Variants in ROBO2 observed in about 807,000 individuals in gnomAD.
ROBO2 encodes the protein roundabout guidance receptor 2, also known as roundabout homolog 2.
ROBO2 carries 53 observed loss-of-function variants against 160.8 expected under a neutral mutation model. The ratio of observed to expected loss-of-function variants is 0.33; its 90% confidence interval spans 0.26 to 0.41. The LOEUF (loss-of-function observed/expected upper bound fraction) is 0.41. ROBO2 is among the 10% of genes least tolerant of loss of function. The probability of loss-of-function intolerance (pLI) is 1.00; values close to 1 mark genes in which losing one functional copy is unlikely to be tolerated. For synonymous variants in ROBO2, 664 were observed against 611.7 expected (o/e 1.09, Z -1.26); for missense variants, 1,577 against 1,722.4 (o/e 0.92, Z 1.49).
intron 2 of ROBO2, among the ~76,000 whole-genome samples, chr3:76,822,335 T>C: frequency 6.6e-6 from 1 of 152,024 alleles, no homozygotes. Flanking sequence ...TCATGGTTAA[T>C]TACCAATAAA....
At position 76,290,520 on chromosome 3, in the gene ROBO2, G is replaced by A. The variant is rs541913859; in HGVS notation, c.109+352918G>A. ...ATCTGGATGCTTTTTATTTATTTCT[G>A]TGGTCTGGTAGCTCTGGCTATGACT... is the stretch of plus-strand genomic sequence containing the variant. On this transcript the variant is annotated intron_variant, in intron 2 of 26. Coordinates refer to the ROBO2 transcript ENST00000487694. Among the ~76,000 whole-genome samples, 27 of 152,132 alleles carry A rather than the reference G, an allele frequency of 1.8e-4. No homozygotes were observed. In the South Asian group the frequency reaches 5.2e-3, roughly 29 times the overall value.
intron 23 of ROBO2, chr3:77,632,194 T>G: frequency 4.2e-6 from 1 of 239,362 alleles, no homozygotes; most frequent in Non-Finnish European, 8.0e-6. Context: ...GCAGCTCTCT[T>G]TTGGAAAACG....
intron 2 of ROBO2, among the ~76,000 whole-genome samples, chr3:76,843,122 AT>A (rs2148483334): frequency 6.6e-6 from 1 of 151,810 alleles, no homozygotes; most frequent in South Asian, 2.1e-4. Flanking sequence ...AATTGTGTTT[AT>A]TTTTAAATGC....
chr3:77,007,535 A>G (rs2061645232), intron 2 of ROBO2, among the ~76,000 whole-genome samples: 1 of 152,056 alleles, frequency 6.6e-6, no homozygotes, highest in African/African-American at 2.4e-5. Flanking sequence ...TACACAGTTT[A>G]CTTTTTAAAC....
intron 2 of ROBO2, among the ~76,000 whole-genome samples, chr3:76,404,300 A>T (rs977766054): frequency 2.0e-5 from 3 of 151,654 alleles, no homozygotes; most frequent in African/African-American, 7.3e-5. Context: ...TATCACTGAG[A>T]ATTTAGTACA....
At chr3:77,576,605 GC>G (rs1185435937) in intron 14 of ROBO2, among the ~76,000 whole-genome samples, 1 of 152,080 alleles carries the variant, frequency 6.6e-6, no homozygotes, top group Non-Finnish European at 1.5e-5. Context: ...GAGAGATGTG[GC>G]ATTCTAAAAT....
intron 2 of ROBO2, among the ~76,000 whole-genome samples, chr3:77,426,168 G>C (rs997799398): frequency 3.3e-5 from 5 of 152,152 alleles, no homozygotes; most frequent in African/African-American, 1.2e-4. Context: ...TAGGGTGATG[G>C]CAGTGGAAAT....
At chr3:76,786,834 A>G (rs1303491064) in intron 2 of ROBO2, among the ~76,000 whole-genome samples, 1 of 151,390 alleles carries the variant, frequency 6.6e-6, no homozygotes, top group Non-Finnish European at 1.5e-5. Context: ...AATGAGTTGT[A>G]GAAATATGCA....
chr3:76,727,888 G>T (rs1296330870), intron 2 of ROBO2, among the ~76,000 whole-genome samples: 1 of 152,078 alleles, frequency 6.6e-6, no homozygotes, highest in Non-Finnish European at 1.5e-5. Context: ...TTTCAAAATA[G>T]CTGGAAGAGA....
chr3:76,481,016 A>G (rs1291362812), intron 2 of ROBO2, among the ~76,000 whole-genome samples: 2 of 152,192 alleles, frequency 1.3e-5, no homozygotes, highest in East Asian at 3.8e-4. Context: ...CAGCCAATTC[A>G]TTTTGTTCAG....
intron 2 of ROBO2, among the ~76,000 whole-genome samples, chr3:77,008,388 T>A (rs1426650925): frequency 6.6e-6 from 1 of 152,202 alleles, no homozygotes; most frequent in African/African-American, 2.4e-5. Flanking sequence ...CATATATAAT[T>A]ACTTTCATTG....
chr3:76,716,982 G>A, intron 2 of ROBO2, among the ~76,000 whole-genome samples: 1 of 152,108 alleles, frequency 6.6e-6, no homozygotes, highest in East Asian at 1.9e-4. Flanking sequence ...ATTTCTATTA[G>A]TATTCATCCA....
intron 2 of ROBO2, among the ~76,000 whole-genome samples, chr3:76,993,046 G>A (rs2060782566): frequency 6.6e-6 from 1 of 152,026 alleles, no homozygotes; most frequent in Non-Finnish European, 1.5e-5. Flanking sequence ...TCAAACTCCT[G>A]ACCTCAAGTG....
At chr3:76,759,553 A>G (rs982796384) in intron 2 of ROBO2, among the ~76,000 whole-genome samples, 1 of 151,774 alleles carries the variant, frequency 6.6e-6, no homozygotes, top group Non-Finnish European at 1.5e-5. Flanking sequence ...ATCTCCGGAA[A>G]AGTGAGTTAA....
In ROBO2 at chr3:76,438,134, T is replaced by A. The variant is rs80003016; in HGVS notation, c.109+500532T>A. On this transcript the variant is annotated intron_variant, in intron 2 of 26. Transcript: ENST00000487694. ...CACAGCATTTATAAGACAGGCAATATTCATTCTTGAGAAAAAATTTATATT... is the reference window on the plus strand; with the variant it reads ...CACAGCATTTATAAGACAGGCAATAATCATTCTTGAGAAAAAATTTATATT... Among the ~76,000 whole-genome samples the A allele has an allele frequency of 9.6e-3, 1,461 of 152,264 alleles. 21 individuals are homozygous for A. The highest frequency in any genetic ancestry group is 0.034 in the African/African-American group (1,400 of 41,550).
intron 2 of ROBO2, among the ~76,000 whole-genome samples, chr3:77,470,097 G>A (rs1010373720): frequency 1.3e-5 from 2 of 152,144 alleles, no homozygotes; most frequent in Non-Finnish European, 2.9e-5. Context: ...ATGATAATTA[G>A]GTGTTCCTTC....
intron 2 of ROBO2, among the ~76,000 whole-genome samples, chr3:75,999,302 T>C (rs1270790340): frequency 6.6e-6 from 1 of 152,224 alleles, no homozygotes; most frequent in African/African-American, 2.4e-5. Flanking sequence ...TTTATGACTG[T>C]TCTAAGTTAG....
At chr3:77,561,954 T>A (rs1054404937) in intron 9 of ROBO2, among the ~76,000 whole-genome samples, 3 of 151,878 alleles carry the variant, frequency 2.0e-5, no homozygotes, top group African/African-American at 7.3e-5. Context: ...AAATACAATG[T>A]TAGTCAGGCA....
At chr3:77,625,461 T>C (rs1210873731) in intron 23 of ROBO2, among the ~76,000 whole-genome samples, 1 of 151,924 alleles carries the variant, frequency 6.6e-6, no homozygotes, top group African/African-American at 2.4e-5. Context: ...CACTGCAACC[T>C]ATCCCTCTCG....
Sources: gnomAD v4.1 joint callset for allele counts (sites outside exome capture counted in the v4.1 genomes callset) on GRCh38, gnomAD v4.1.1 for gene constraint, MANE v1.5 for transcripts, NCBI Gene and HGNC (gene_info 2026-07-23, HGNC 2026-07-21) for gene names.